The following USH2A variants were observed in gnomAD, a reference collection of about 807,000 sequenced individuals.
The protein encoded by USH2A is usherin, also known as Usher syndrome 2A (autosomal recessive, mild).
USH2A carries 443 observed loss-of-function variants against 538.9 expected under a neutral mutation model. That is an observed-to-expected ratio of 0.82 (90% CI 0.76 to 0.89). The LOEUF (loss-of-function observed/expected upper bound fraction) is 0.89, where lower values mean the gene tolerates loss of function less well. Among genes scored for constraint, USH2A ranks in the 40% least tolerant of loss-of-function variants. The probability of loss-of-function intolerance (pLI) is 0.00; values close to 1 mark genes in which losing one functional copy is unlikely to be tolerated. For synonymous variants in USH2A, 2,413 were observed against 2,273.5 expected (o/e 1.06, Z -1.75); for missense variants, 6,633 against 6,324.8 (o/e 1.05, Z -1.65).
At chr1:216,252,565 C>T (rs2102554163) in intron 11 of USH2A, among the ~76,000 whole-genome samples, 1 of 152,250 alleles carries the variant, frequency 6.6e-6, no homozygotes, top group East Asian at 1.9e-4. Flanking sequence ...GAAATAGAGA[C>T]TCACTGGAAG....
chr1:215,766,190 T>A (rs186402590), intron 56 of USH2A, among the ~76,000 whole-genome samples: 9 of 152,278 alleles, frequency 5.9e-5, no homozygotes, highest in Non-Finnish European at 1.3e-4. Context: ...CCATAAAGCC[T>A]TTTTTGATGT....
rs1255780550 is a variant in USH2A, at chr1:216,418,673, A to T, written c.492T>A (p.Val164=). 6.2e-7 allele frequency: 1 copy of T among 1,612,918 alleles called. No homozygotes were observed. The highest frequency in any genetic ancestry group is 1.1e-5 in the South Asian group (1 of 91,064). ...LKPEQQGVMC[V]IEKTVDGQIV... ...TCTGCCCATCTACTGTCTTTTCTAT[A>T]ACACACCTTAGGAAGCAACCGGAAA... Residue 164 remains valine (V), a synonymous_variant, in exon 3 of 72, where the codon GTT becomes GTA. Transcript: ENST00000307340.
intron 43 of USH2A, among the ~76,000 whole-genome samples, chr1:215,869,260 C>T (rs910403595): frequency 2.6e-5 from 4 of 152,100 alleles, no homozygotes; most frequent in Admixed American, 6.5e-5. Flanking sequence ...AGTCTGATTT[C>T]AGAGCCTGCT....
Position 216,380,245 on chromosome 1 carries a change from G to A in USH2A, c.652-15160C>T, listed in dbSNP as rs953507564. 2.6e-5 allele frequency among the ~76,000 whole-genome samples: 4 copies of A among 152,054 alleles called. No homozygotes were observed. The East Asian group carries it at 7.7e-4, about 29-fold the overall frequency. On this transcript the variant is annotated intron_variant, in intron 3 of 71. Transcript: ENST00000307340. ...GAATGAAATTCACTGTAGTTAAATG[G>A]GAAGGTCATTCAAAACACAGCTTCT...
intron 47 of USH2A, among the ~76,000 whole-genome samples, chr1:215,817,812 A>G (rs1004431643): frequency 7.2e-5 from 11 of 152,136 alleles, no homozygotes; most frequent in Admixed American, 7.2e-4. Flanking sequence ...ACCAATGCCA[A>G]CAACTATCCA....
In USH2A at chr1:216,355,307, A is replaced by AAAAGAAAGAAAGAAAGAAAGAAAG. The variant is rs61657867; in HGVS notation, c.784+9622_784+9645dup. On this transcript the variant is annotated intron_variant, in intron 4 of 71. Coordinates refer to ENST00000307340, the MANE Select transcript of USH2A (RefSeq NM_206933.4). ...TGACAGAGTGAAAGACTCTGCTTCA[A>AAAAGAAAGAAAGAAAGAAAGAAAG]AAAGAAAGAAAGAAAGAAAGAAAGA... Among the ~76,000 whole-genome samples, 453 of 103,404 alleles carry AAAAGAAAGAAAGAAAGAAAGAAAG rather than the reference A, an allele frequency of 4.4e-3. 7 individuals are homozygous for AAAAGAAAGAAAGAAAGAAAGAAAG. The highest frequency in any genetic ancestry group is 0.011 in the Middle Eastern group (2 of 184). 67.8% of individuals were successfully genotyped at this position (103,404 alleles called of 152,430 possible).
intron 64 of USH2A, among the ~76,000 whole-genome samples, chr1:215,657,463 A>G (rs1256893721): frequency 1.3e-5 from 2 of 152,228 alleles, no homozygotes; most frequent in Non-Finnish European, 2.9e-5. Flanking sequence ...TGAAGGAATA[A>G]TGTGCTGAAA....
chr1:216,174,351 C>T (rs1054028718), intron 21 of USH2A: 7 of 982,948 alleles, frequency 7.1e-6, no homozygotes, highest in Middle Eastern at 5.2e-4. Flanking sequence ...AAATGGTGTA[C>T]CATAAGTAGA....
At chr1:215,930,301 A>AT (rs1666331185) in intron 38 of USH2A, among the ~76,000 whole-genome samples, 1 of 152,008 alleles carries the variant, frequency 6.6e-6, no homozygotes, top group Non-Finnish European at 1.5e-5. Flanking sequence ...GTCACTAATC[A>AT]TTTTAAACTA....
chr1:216,406,446 T>C lies in USH2A; in HGVS notation c.651+12068A>G, dbSNP rs1356019589. Among the ~76,000 whole-genome samples, 7 of 152,204 alleles carry C rather than the reference T, an allele frequency of 4.6e-5. No homozygotes were observed. The South Asian group carries it at 6.2e-4, about 13-fold the overall frequency. ...GGGCATATATTTATCTTTAGACTCATTAAGTTGCATACATGCAACATGGAC... is the reference window on the plus strand; with the variant it reads ...GGGCATATATTTATCTTTAGACTCACTAAGTTGCATACATGCAACATGGAC... On this transcript the variant is annotated intron_variant, in intron 3 of 71. Transcript: ENST00000307340.
At chr1:215,681,941 C>G (rs1352104267) in intron 61 of USH2A, among the ~76,000 whole-genome samples, 1 of 152,110 alleles carries the variant, frequency 6.6e-6, no homozygotes, top group African/African-American at 2.4e-5. Flanking sequence ...TACAGAAATA[C>G]TAATTTCTCT....
chr1:216,083,425 A>C, intron 26 of USH2A, 31 bp downstream of exon 26: 1 of 1,603,054 alleles, frequency 6.2e-7, no homozygotes, highest in Non-Finnish European at 8.5e-7. Context: ...CCTATATTTT[A>C]AAGTAATTTT....
In USH2A at chr1:216,086,596, G is replaced by T. The variant is rs1228273179; in HGVS notation, c.4987+123C>A. 7.4e-6 allele frequency: 6 copies of T among 809,056 alleles called. No homozygotes were observed. The African/African-American group carries it at 1.1e-4, about 14-fold the overall frequency. The allele number at this position is 809,056 out of a possible 1,614,324, so 50.1% of individuals were successfully genotyped here. A position where few individuals can be genotyped will look rare whatever the true frequency, so the allele number is the denominator to read the frequency against. On this transcript the variant is annotated intron_variant, in intron 24 of 71. Coordinates refer to ENST00000307340, the MANE Select transcript of USH2A (RefSeq NM_206933.4). ...AAAAGAGACCTAAAGGAAATTTTTG[G>T]CACATTAATATAGAAAATATAGCAT...
chr1:216,159,220 C>T (rs926589298), intron 21 of USH2A, among the ~76,000 whole-genome samples: 1 of 151,968 alleles, frequency 6.6e-6, no homozygotes, highest in African/African-American at 2.4e-5. Flanking sequence ...ACTATACTTC[C>T]AGTACAACAT....
intron 3 of USH2A, among the ~76,000 whole-genome samples, chr1:216,390,618 T>G (rs1051437292): frequency 1.3e-5 from 2 of 152,184 alleles, no homozygotes; most frequent in African/African-American, 4.8e-5. Flanking sequence ...ATTCTTGAAA[T>G]GGATAGTTTC....
intron 68 of USH2A, among the ~76,000 whole-genome samples, chr1:215,640,186 G>A (rs546891541): frequency 4.2e-4 from 64 of 152,148 alleles, no homozygotes; most frequent in Non-Finnish European, 7.9e-4. Context: ...TTGGAGACTG[G>A]AGATACAGCA....
At chr1:215,795,498 T>G (rs1662100672) in intron 50 of USH2A, among the ~76,000 whole-genome samples, 1 of 152,228 alleles carries the variant, frequency 6.6e-6, no homozygotes, top group South Asian at 2.1e-4. Flanking sequence ...ATGTCTTGAA[T>G]ATGGTTACTA....
At chr1:215,940,186 G>C (rs1342487895) in intron 37 of USH2A, among the ~76,000 whole-genome samples, 2 of 151,962 alleles carry the variant, frequency 1.3e-5, no homozygotes, top group African/African-American at 2.4e-5. Flanking sequence ...AGGTAGAAAA[G>C]GTATTAACTA....
chr1:216,100,721 T>G (rs1034366712), intron 21 of USH2A, among the ~76,000 whole-genome samples: 11 of 152,242 alleles, frequency 7.2e-5, no homozygotes, highest in Admixed American at 2.0e-4. Context: ...GGAAGACAAC[T>G]ACTTGTCTTT....
Sources: allele counts gnomAD v4.1 joint callset (sites outside exome capture counted in the v4.1 genomes callset), GRCh38; gene constraint gnomAD v4.1.1; transcripts MANE v1.5; gene names NCBI Gene and HGNC (gene_info 2026-07-23, HGNC 2026-07-21).